Variants in GPC5 observed in about 807,000 individuals in gnomAD.
The protein encoded by GPC5 is glypican 5.
GPC5 carries 47 observed loss-of-function variants against 53.9 expected under a neutral mutation model. That is an observed-to-expected ratio of 0.87 (90% confidence interval 0.69 to 1.11). The LOEUF (loss-of-function observed/expected upper bound fraction) is 1.11, where lower values mean the gene tolerates loss of function less well. Ranked by LOEUF, GPC5 falls within the 50% of genes most tolerant of loss-of-function variation. The pLI is 0.00. For synonymous variants in GPC5, 286 were observed against 263.3 expected (o/e 1.09, Z -0.84); for missense variants, 748 against 713.1 (o/e 1.05, Z -0.56).
At chr13:92,076,585 C>A in intron 6 of GPC5, among the ~76,000 whole-genome samples, 1 of 148,932 alleles carries the variant, frequency 6.7e-6, no homozygotes. Flanking sequence ...TTTATCTTGC[C>A]CAAATTCCTA....
intron 6 of GPC5, among the ~76,000 whole-genome samples, chr13:91,978,443 A>G (rs911499315): frequency 1.3e-5 from 2 of 152,262 alleles, no homozygotes; most frequent in African/African-American, 2.4e-5. Flanking sequence ...AAATATAGCC[A>G]TAAGATTACT....
In GPC5 at chr13:92,512,441, C is replaced by T. The variant is rs547201504; in HGVS notation, c.1562-353841C>T. On this transcript the variant is annotated intron_variant, in intron 7 of 7. Coordinates refer to ENST00000377067, the MANE Select transcript of GPC5 (RefSeq NM_004466.6). The stretch of plus-strand genomic sequence containing the variant: ...AGATTTTAAGGATAGTATGTGTGAA[C>T]ATTTCAATACATAAAATATATCTTA... Among the ~76,000 whole-genome samples, 5 of 152,176 alleles carry T rather than the reference C, an allele frequency of 3.3e-5. No individual in the cohort carries two copies. In the South Asian group the frequency reaches 1.0e-3, roughly 32 times the overall value.
intron 6 of GPC5, among the ~76,000 whole-genome samples, chr13:92,045,968 G>A (rs528234189): frequency 7.4e-4 from 113 of 152,044 alleles, no homozygotes; most frequent in African/African-American, 2.4e-3. Flanking sequence ...ATAATTAGCC[G>A]AGCGTGGCAG....
intron 7 of GPC5, among the ~76,000 whole-genome samples, chr13:92,222,087 C>T (rs1285488458): frequency 6.6e-6 from 1 of 152,086 alleles, no homozygotes; most frequent in Non-Finnish European, 1.5e-5. Flanking sequence ...CTAATCTGTG[C>T]AGTGTAGCAG....
intron 3 of GPC5, among the ~76,000 whole-genome samples, chr13:91,710,417 A>G (rs1479756538): frequency 1.3e-5 from 2 of 152,234 alleles, no homozygotes. Flanking sequence ...ATACTCTGAT[A>G]TTATTAGCGT....
intron 7 of GPC5, among the ~76,000 whole-genome samples, chr13:92,549,878 CACACAT>C: frequency 9.5e-6 from 1 of 105,466 alleles, no homozygotes; most frequent in East Asian, 2.2e-4. Context: ...TTACCAAACA[CACACAT>C]ACACACACAC....
At chr13:91,944,832 T>C (rs992752825) in intron 6 of GPC5, among the ~76,000 whole-genome samples, 15 of 152,182 alleles carry the variant, frequency 9.9e-5, no homozygotes, top group African/African-American at 3.4e-4. Flanking sequence ...ATAGATATGT[T>C]GCAAAGATAA....
chr13:92,457,781 T>G (rs1285422178), intron 7 of GPC5, among the ~76,000 whole-genome samples: 1 of 152,184 alleles, frequency 6.6e-6, no homozygotes, highest in Non-Finnish European at 1.5e-5. Flanking sequence ...TCTAATATCT[T>G]TGATTACATT....
chr13:91,425,752 C>A (rs1197426874), intron 1 of GPC5, among the ~76,000 whole-genome samples: 1 of 152,070 alleles, frequency 6.6e-6, no homozygotes, highest in Non-Finnish European at 1.5e-5. Flanking sequence ...ATAAAGATAC[C>A]TGAAAATGTG....
At chr13:92,071,899 T>C (rs1274157432) in intron 6 of GPC5, among the ~76,000 whole-genome samples, 2 of 146,866 alleles carry the variant, frequency 1.4e-5, no homozygotes, top group Admixed American at 1.4e-4. Context: ...AATGTATTAT[T>C]TTATACATAT....
At chr13:92,743,053 T>C (rs1404950190) in intron 7 of GPC5, among the ~76,000 whole-genome samples, 4 of 152,134 alleles carry the variant, frequency 2.6e-5, no homozygotes, top group African/African-American at 7.2e-5. Context: ...TAGGATTGAC[T>C]TGGCGATGCA....
chr13:91,892,316 A>G (rs2039395339), intron 5 of GPC5, among the ~76,000 whole-genome samples: 1 of 151,702 alleles, frequency 6.6e-6, no homozygotes, highest in African/African-American at 2.4e-5. Flanking sequence ...CATACCCATA[A>G]CTTTCTTCAC....
chr13:92,213,786 G>C (rs956782731), intron 7 of GPC5, among the ~76,000 whole-genome samples: 1 of 152,102 alleles, frequency 6.6e-6, no homozygotes, highest in African/African-American at 2.4e-5. Flanking sequence ...GTCTTTTGCT[G>C]CAGTCCTGCT....
intron 6 of GPC5, among the ~76,000 whole-genome samples, chr13:92,018,185 A>T (rs1005687833): frequency 1.3e-5 from 2 of 152,118 alleles, no homozygotes; most frequent in African/African-American, 4.8e-5. Context: ...ATGCCTACCA[A>T]AGGTAGGCAT....
chr13:92,779,357 C>T (rs1875938206), intron 7 of GPC5, among the ~76,000 whole-genome samples: 1 of 152,034 alleles, frequency 6.6e-6, no homozygotes, highest in Non-Finnish European at 1.5e-5. Context: ...AGTGGGGGCA[C>T]AGCCAAACCG....
At chr13:92,194,611 A>G (rs184221533) in intron 7 of GPC5, among the ~76,000 whole-genome samples, 1 of 152,366 alleles carries the variant, frequency 6.6e-6, no homozygotes, top group Admixed American at 6.5e-5. Context: ...GGCCATAGCT[A>G]GGTAAGTGTG....
intron 2 of GPC5, among the ~76,000 whole-genome samples, chr13:91,631,051 A>T (rs1043746089): frequency 6.6e-5 from 10 of 152,090 alleles, no homozygotes; most frequent in Middle Eastern, 3.4e-3. Flanking sequence ...GAAACAGGGG[A>T]CCTGTTTATT....
chr13:91,814,477 C>A (rs2038367857), intron 5 of GPC5, among the ~76,000 whole-genome samples: 1 of 152,058 alleles, frequency 6.6e-6, no homozygotes, highest in Non-Finnish European at 1.5e-5. Flanking sequence ...AATTCATTTG[C>A]AAGTTCTTAG....
At chr13:92,516,607 C>G (rs1326796982) in intron 7 of GPC5, among the ~76,000 whole-genome samples, 2 of 152,086 alleles carry the variant, frequency 1.3e-5, no homozygotes, top group Non-Finnish European at 2.9e-5. Context: ...TCTGAGTGCC[C>G]TTTTTCAGTT....
Sources: allele counts gnomAD v4.1 joint callset (sites outside exome capture counted in the v4.1 genomes callset), GRCh38; gene constraint gnomAD v4.1.1; transcripts MANE v1.5; gene names NCBI Gene and HGNC (gene_info 2026-07-23, HGNC 2026-07-21).